The following RAP1GAP2 variants were observed in gnomAD, a reference collection of about 807,000 sequenced individuals.
RAP1GAP2 encodes rap1 GTPase-activating protein 2.
RAP1GAP2 carries 27 observed loss-of-function variants against 95.0 expected under a neutral mutation model. The observed-to-expected ratio is 0.28, with a 90% confidence interval of 0.21 to 0.39. The LOEUF (loss-of-function observed/expected upper bound fraction) is 0.39, where lower values mean the gene tolerates loss of function less well. Ranked by LOEUF, RAP1GAP2 falls within the 10% of genes least tolerant of loss-of-function variation. The pLI is 1.00. For missense variants in RAP1GAP2, 771 were observed against 970.0 expected (o/e 0.79, Z 2.72); for synonymous variants, 373 against 380.9 (o/e 0.98, Z 0.24).
rs1450896689 is a variant in RAP1GAP2 at position 3,033,983 on chromosome 17, A to G, written c.*622A>G. 2 of 152,560 alleles carry G rather than the reference A, an allele frequency of 1.3e-5. No individual in the cohort carries two copies. Among genetic ancestry groups the G allele is most frequent in the African/African-American group, 4.8e-5 (2 of 41,446 alleles). The allele number at this position is 152,560 out of a possible 1,614,324, so 9.5% of individuals were successfully genotyped here. A position where few individuals can be genotyped will look rare whatever the true frequency, so the allele number is the denominator to read the frequency against. On this transcript the variant is annotated 3_prime_UTR_variant, in exon 25 of 25. Transcript: ENST00000254695. This position sits in a 1 kb window ranked among gnomAD's most constrained non-coding sequence, Gnocchi z 4.9. ...TGCTGAACGCCTTTCCCATCTGCTG[A>G]CGTAGGCCCAGGGCTGCCCTGCCCC...
At chr17:2,847,513 A>G (rs947592991) in intron 2 of RAP1GAP2, among the ~76,000 whole-genome samples, 91 of 152,360 alleles carry the variant, frequency 6.0e-4, no homozygotes, top group African/African-American at 2.1e-3. Context: ...TATATAAAAT[A>G]GTATATAAAT....
intron 2 of RAP1GAP2, among the ~76,000 whole-genome samples, chr17:2,895,714 T>C (rs111973243): frequency 3.3e-5 from 5 of 151,982 alleles, no homozygotes; most frequent in African/African-American, 1.2e-4. Context: ...GTAGCTGGGA[T>C]TACAGGCGCC....
At chr17:2,979,119 C>G (rs1227536641) in intron 8 of RAP1GAP2, among the ~76,000 whole-genome samples, 1 of 152,062 alleles carries the variant, frequency 6.6e-6, no homozygotes, top group Non-Finnish European at 1.5e-5. Flanking sequence ...AGATTAAAAA[C>G]CATATGGTTA....
chr17:2,798,884 C>T (rs1225122802), intron 1 of RAP1GAP2, among the ~76,000 whole-genome samples: 1 of 152,180 alleles, frequency 6.6e-6, no homozygotes, highest in Non-Finnish European at 1.5e-5. Flanking sequence ...GTGGGCGGGG[C>T]TGACCCGACA....
At chr17:2,976,374 T>A (rs548007285) in intron 8 of RAP1GAP2, among the ~76,000 whole-genome samples, 1 of 152,326 alleles carries the variant, frequency 6.6e-6, no homozygotes, top group East Asian at 1.9e-4. Context: ...GTTCCTTGAA[T>A]ATAAGACAAA....
rs1348568405 is a variant in RAP1GAP2, at chr17:2,902,103, C to G, written c.81-3181C>G. 6.6e-5 allele frequency among the ~76,000 whole-genome samples: 10 copies of G among 152,240 alleles called. No individual in the cohort carries two copies. Among genetic ancestry groups the G allele is most frequent in the Admixed American group, 6.5e-4 (10 of 15,288 alleles). On this transcript the variant is annotated intron_variant, in intron 2 of 24. Coordinates refer to ENST00000254695, the MANE Select transcript of RAP1GAP2 (RefSeq NM_015085.5). This position sits in a 1 kb window ranked among gnomAD's most constrained non-coding sequence, Gnocchi z 4.1. The stretch of plus-strand genomic sequence containing the variant: ...AGAATCCTTCCTCGCCTCTTCTAGC[C>G]TCTGGCGGGGTCGGCAAGCCTCAGC...
In RAP1GAP2 at chr17:3,004,322, C is replaced by T. The variant is rs113713889; in HGVS notation, c.1201-1047C>T. Among the ~76,000 whole-genome samples, 4 of 152,250 alleles carry T rather than the reference C, an allele frequency of 2.6e-5. No individual in the cohort carries two copies. The highest frequency in any genetic ancestry group is 4.4e-5 in the Non-Finnish European group (3 of 68,036). On this transcript the variant is annotated intron_variant, in intron 14 of 24. Coordinates refer to ENST00000254695, the MANE Select transcript of RAP1GAP2 (RefSeq NM_015085.5). The surrounding 1 kb of genome is among the most constrained non-coding windows in gnomAD (Gnocchi z 4.1). ...CGTATTGACCAGCTCTCTCCCGCTC[C>T]GTTTCCCCTCCGGACTCTGGCAGGG... is the stretch of plus-strand genomic sequence containing the variant.
chr17:2,939,858 G>A (rs1007908026), intron 3 of RAP1GAP2, among the ~76,000 whole-genome samples: 9 of 152,242 alleles, frequency 5.9e-5, no homozygotes, highest in Admixed American at 3.9e-4. Flanking sequence ...AAACGCCCGC[G>A]GCAGAGGACA....
chr17:2,861,388 G>A (rs2072381402), intron 2 of RAP1GAP2, among the ~76,000 whole-genome samples: 11 of 151,624 alleles, frequency 7.3e-5, no homozygotes, highest in Admixed American at 5.9e-4. Flanking sequence ...GAGATGCTCA[G>A]TAAATATTTG....
chr17:2,892,000 T>A (rs1945837007), intron 2 of RAP1GAP2, among the ~76,000 whole-genome samples: 1 of 151,946 alleles, frequency 6.6e-6, no homozygotes, highest in African/African-American at 2.4e-5. Flanking sequence ...ATTTTTGTAT[T>A]TTTAGTAGAG....
chr17:2,869,483 G>A (rs1010136540), intron 2 of RAP1GAP2, among the ~76,000 whole-genome samples: 3 of 151,980 alleles, frequency 2.0e-5, no homozygotes, highest in African/African-American at 7.3e-5. Context: ...ACCTTAATAT[G>A]TACAATAGAA....
intron 3 of RAP1GAP2, among the ~76,000 whole-genome samples, chr17:2,909,616 C>T (rs2042305989): frequency 1.3e-5 from 2 of 152,320 alleles, no homozygotes; most frequent in East Asian, 1.9e-4. Flanking sequence ...GACAGGCTGT[C>T]GGGAGGGGCC....
At chr17:2,916,050 A>C (rs555701061) in intron 3 of RAP1GAP2, among the ~76,000 whole-genome samples, 2 of 152,192 alleles carry the variant, frequency 1.3e-5, no homozygotes, top group Admixed American at 1.3e-4. Context: ...GTTTTAATTT[A>C]ATTATGTATG....
intron 2 of RAP1GAP2, among the ~76,000 whole-genome samples, chr17:2,819,163 C>T (rs913212616): frequency 5.3e-5 from 8 of 151,688 alleles, no homozygotes; most frequent in Admixed American, 1.3e-4. Flanking sequence ...GGACTACAGG[C>T]GCCCGCTACC....
In RAP1GAP2 at chr17:2,833,716, A is replaced by G. The variant is rs1017409027; in HGVS notation, c.80+33166A>G. The stretch of plus-strand genomic sequence containing the variant: ...AAAAAAAAAAAAAAAAAAAAAGAAA[A>G]GTGCCACAGTGGACATCCTCATAGT... On this transcript the variant is annotated intron_variant, in intron 2 of 24. Coordinates refer to ENST00000254695, the MANE Select transcript of RAP1GAP2 (RefSeq NM_015085.5). Among the ~76,000 whole-genome samples the G allele has an allele frequency of 2.0e-5, 3 of 151,512 alleles. No homozygotes were observed. In the East Asian group the frequency reaches 5.8e-4, roughly 29 times the overall value.
At chr17:2,940,465 C>T (rs192311744) in intron 3 of RAP1GAP2, among the ~76,000 whole-genome samples, 114 of 152,290 alleles carry the variant, frequency 7.5e-4, no homozygotes, top group African/African-American at 2.4e-3. Flanking sequence ...GTTGCCATGG[C>T]GAGAGGGGGA....
chr17:2,828,667 G>T (rs527517083), intron 2 of RAP1GAP2, among the ~76,000 whole-genome samples: 3 of 152,278 alleles, frequency 2.0e-5, no homozygotes, highest in African/African-American at 7.2e-5. Context: ...TGGGGCCGCG[G>T]GTTCTTTGAC....
chr17:2,840,864 G>A (rs2071345698), intron 2 of RAP1GAP2, among the ~76,000 whole-genome samples: 1 of 152,182 alleles, frequency 6.6e-6, no homozygotes, highest in African/African-American at 2.4e-5. Context: ...TGGGTGTGGT[G>A]GCCTGGGCCT....
chr17:2,953,863 A>C (rs1425738551), intron 3 of RAP1GAP2, among the ~76,000 whole-genome samples: 1 of 152,202 alleles, frequency 6.6e-6, no homozygotes. Context: ...ATAAAAAATA[A>C]AATAAAGTGT....
Sources: gnomAD v4.1 joint callset for allele counts (sites outside exome capture counted in the v4.1 genomes callset) on GRCh38, gnomAD v4.1.1 for gene constraint, Gnocchi (gnomAD v3.1) non-coding constraint, MANE v1.5 for transcripts, NCBI Gene and HGNC (gene_info 2026-07-23, HGNC 2026-07-21) for gene names.